The following SLC39A9 variants were observed in gnomAD, a reference collection of about 807,000 sequenced individuals.
SLC39A9 encodes the protein zinc transporter ZIP9.
SLC39A9 carries 14 observed loss-of-function variants against 28.4 expected under a neutral mutation model. The observed-to-expected ratio is 0.49, with a 90% confidence interval of 0.33 to 0.77. SLC39A9 has a LOEUF of 0.77. Among genes scored for constraint, SLC39A9 ranks in the 30% least tolerant of loss-of-function variants. SLC39A9 has a pLI of 0.02. For synonymous variants in SLC39A9, 119 were observed against 149.6 expected (o/e 0.80, Z 1.49); for missense variants, 283 against 381.1 (o/e 0.74, Z 2.14).
Position 69,399,024 on chromosome 14 carries a change from C to A in SLC39A9, c.-346C>A. 1 of 253,930 alleles carries A rather than the reference C, an allele frequency of 3.9e-6. No individual in the cohort carries two copies. The allele number at this position is 253,930 out of a possible 1,614,324, so 15.7% of individuals were successfully genotyped here. ...CGCCGCCGCCTAAGACATTGTGCCA[C>A]CCTCAATCCGACAATCGAAGAAATC... On this transcript the variant is annotated 5_prime_UTR_variant, in exon 1 of 7. Transcript: ENST00000336643.
chr14:69,413,393 G>A (rs570595400), intron 1 of SLC39A9, among the ~76,000 whole-genome samples: 1 of 151,860 alleles, frequency 6.6e-6, no homozygotes, highest in South Asian at 2.1e-4. Context: ...AATCGATACA[G>A]GATTACCTCC....
intron 2 of SLC39A9, among the ~76,000 whole-genome samples, chr14:69,431,511 C>T (rs2140283779): frequency 6.6e-6 from 1 of 151,054 alleles, no homozygotes; most frequent in Admixed American, 6.6e-5. Flanking sequence ...AGTCTTTCAC[C>T]ATTAAATATG....
intron 1 of SLC39A9, among the ~76,000 whole-genome samples, chr14:69,418,542 A>G (rs990731167): frequency 6.6e-6 from 1 of 152,182 alleles, no homozygotes; most frequent in Non-Finnish European, 1.5e-5. Flanking sequence ...ATAGGGTTTC[A>G]GAAGGAATGG....
At position 69,461,625 on chromosome 14, in the gene SLC39A9, G is replaced by C. The variant is rs1191155113; in HGVS notation, c.*3032G>C. Reference sequence around the variant, plus strand: ...AGTTGTCCTTTCTTTGCAGAAAGGAGAAAATGTGATTGTGTTTTTTTTTTA... The same window carrying C: ...AGTTGTCCTTTCTTTGCAGAAAGGACAAAATGTGATTGTGTTTTTTTTTTA... On this transcript the variant is annotated 3_prime_UTR_variant, in exon 7 of 7. Transcript: ENST00000336643. 3 of 1,529,766 alleles carry C rather than the reference G, an allele frequency of 2.0e-6. No homozygotes were observed. The African/African-American group carries it at 4.1e-5, about 21-fold the overall frequency. The allele number at this position is 1,529,766 out of a possible 1,614,324, so 94.8% of individuals were successfully genotyped here.
chr14:69,441,798 C>T, intron 2 of SLC39A9: 1 of 1,140,314 alleles, frequency 8.8e-7, no homozygotes, highest in East Asian at 5.1e-5. Context: ...AATATGATTG[C>T]TTTCTTGCAT....
chr14:69,461,528 T>C lies in SLC39A9; in HGVS notation c.*2935T>C. On this transcript the variant is annotated 3_prime_UTR_variant, in exon 7 of 7. Transcript: ENST00000336643. ...CCGCTTTCACCTCTTTCTTTCCCAA[T>C]TCAAAACAGCCAAGTGAGCCCTGTT... 3.5e-6 allele frequency: 5 copies of C among 1,447,864 alleles called. No homozygotes were observed. Among genetic ancestry groups the C allele is most frequent in the Non-Finnish European group, 4.5e-6 (5 of 1,104,896 alleles). The allele number at this position is 1,447,864 out of a possible 1,614,324, so 89.7% of individuals were successfully genotyped here.
chr14:69,451,979 C>T (rs1885633457), intron 3 of SLC39A9, among the ~76,000 whole-genome samples: 1 of 152,000 alleles, frequency 6.6e-6, no homozygotes, highest in Non-Finnish European at 1.5e-5. Flanking sequence ...ACCTCCCAGA[C>T]TGCTGAGATT....
At chr14:69,408,945 CAT>C (rs1323882530) in intron 1 of SLC39A9, among the ~76,000 whole-genome samples, 1 of 152,198 alleles carries the variant, frequency 6.6e-6, no homozygotes, top group East Asian at 1.9e-4. Context: ...ATTAATGACA[CAT>C]GTCAACTGAT....
Position 69,442,060 on chromosome 14 carries a change from C to A in SLC39A9, c.206-9C>A. 1 of 1,612,730 alleles carries A rather than the reference C, an allele frequency of 6.2e-7. No individual in the cohort carries two copies. Among genetic ancestry groups the A allele is most frequent in the Non-Finnish European group, 8.5e-7 (1 of 1,179,356 alleles). ...ACATATTTTCTCTTTATGGTTTATT[C>A]TGCTCTAGGAAAACACCACCAAGCA... On this transcript the variant is annotated splice_polypyrimidine_tract_variant and intron_variant, in intron 2 of 6. Coordinates refer to ENST00000336643, the MANE Select transcript of SLC39A9 (RefSeq NM_018375.5).
At chr14:69,448,214 C>CAAAAAAAAAAAAAAAAAAAAACAAA (rs34195562) in intron 3 of SLC39A9, among the ~76,000 whole-genome samples, 1 of 87,230 alleles carries the variant, frequency 1.1e-5, no homozygotes, top group Non-Finnish European at 2.1e-5. Context: ...GACTCTGTCT[C>CAAAAAAAAAAAAAAAAAAAAACAAA]AAAAAAAAAA....
In SLC39A9 at chr14:69,459,214, G is replaced by T. The variant is rs1210343695; in HGVS notation, c.*621G>T. 3.0e-6 allele frequency: 3 copies of T among 985,404 alleles called. No homozygotes were observed. Among genetic ancestry groups the T allele is most frequent in the African/African-American group, 1.7e-5 (1 of 57,248 alleles). 61.0% of individuals were successfully genotyped at this position (985,404 alleles called of 1,614,324 possible). A position where few individuals can be genotyped will look rare whatever the true frequency, so the allele number is the denominator to read the frequency against. ...GATATCCATTGAAAAGGGATGTCTAGAGGGATTTAAACAGCTCCTTTGGCA... is the reference window on the plus strand; with the variant it reads ...GATATCCATTGAAAAGGGATGTCTATAGGGATTTAAACAGCTCCTTTGGCA... On this transcript the variant is annotated 3_prime_UTR_variant, in exon 7 of 7. Coordinates refer to ENST00000336643, the MANE Select transcript of SLC39A9 (RefSeq NM_018375.5).
Position 69,461,902 on chromosome 14 carries a change from T to G in SLC39A9, c.*3309T>G. On this transcript the variant is annotated 3_prime_UTR_variant, in exon 7 of 7. Coordinates refer to ENST00000336643, the MANE Select transcript of SLC39A9 (RefSeq NM_018375.5). ...GCTGCAGTGTTAAGTGAAAATCCTC[T>G]GTAGTTGTTCTGCAGAGGAACCTTC... 1 of 674,444 alleles carries G rather than the reference T, an allele frequency of 1.5e-6. No individual in the cohort carries two copies. The highest frequency in any genetic ancestry group is 2.4e-6 in the Non-Finnish European group (1 of 424,758). The allele number at this position is 674,444 out of a possible 1,614,324, so 41.8% of individuals were successfully genotyped here. A position where few individuals can be genotyped will look rare whatever the true frequency, so the allele number is the denominator to read the frequency against.
rs140105147 is a variant in SLC39A9 at position 69,440,334 on chromosome 14, A to G, written c.206-1735A>G. Among the ~76,000 whole-genome samples the G allele has an allele frequency of 8.6e-3, 1,304 of 152,178 alleles. 26 individuals are homozygous for G. The highest frequency in any genetic ancestry group is 0.03 in the African/African-American group (1,263 of 41,528). On this transcript the variant is annotated intron_variant, in intron 2 of 6. Coordinates refer to ENST00000336643, the MANE Select transcript of SLC39A9 (RefSeq NM_018375.5). ...CACGGTGGCTCAAGCCTGTAACCCC[A>G]GCACTTTGGGAGGTCAAGGTGGGCG...
intron 2 of SLC39A9, among the ~76,000 whole-genome samples, chr14:69,432,640 G>C (rs1884553826): frequency 6.6e-6 from 1 of 152,122 alleles, no homozygotes; most frequent in African/African-American, 2.4e-5. Context: ...GATGTCCAGA[G>C]TGGTTTCCTA....
intron 2 of SLC39A9, among the ~76,000 whole-genome samples, chr14:69,425,891 C>T (rs553873924): frequency 1.8e-4 from 27 of 152,112 alleles, no homozygotes; most frequent in South Asian, 4.1e-4. Flanking sequence ...TTGCCAATTC[C>T]GGGACTCAAG....
intron 5 of SLC39A9, among the ~76,000 whole-genome samples, chr14:69,455,190 GT>G (rs1401955236): frequency 6.6e-6 from 1 of 151,900 alleles, no homozygotes; most frequent in Non-Finnish European, 1.5e-5. Flanking sequence ...TTTCTTGACT[GT>G]TTCTCTTTTT....
rs909793081 is a variant in SLC39A9 at position 69,453,381 on chromosome 14, G to A, written c.472+72G>A. 17 of 1,425,960 alleles carry A rather than the reference G, an allele frequency of 1.2e-5. No homozygotes were observed. The African/African-American group carries it at 2.0e-4, about 17-fold the overall frequency. The allele number at this position is 1,425,960 out of a possible 1,614,324, so 88.3% of individuals were successfully genotyped here. On this transcript the variant is annotated intron_variant, in intron 4 of 6. Coordinates refer to ENST00000336643, the MANE Select transcript of SLC39A9 (RefSeq NM_018375.5). ...GGAGACCTTAGTGTTTATATTTCAG[G>A]GACCGTCCTCATTGAATGCTCTTGG...
At chr14:69,404,998 A>G (rs763538505) in intron 1 of SLC39A9, among the ~76,000 whole-genome samples, 4 of 152,196 alleles carry the variant, frequency 2.6e-5, no homozygotes, top group Non-Finnish European at 5.9e-5. Flanking sequence ...GGAGGCAAAC[A>G]CATCCTTCTT....
upstream of SLC39A9, chr14:69,398,661 G>A (rs749188084): frequency 3.9e-6 from 1 of 258,374 alleles, no homozygotes; most frequent in South Asian, 3.8e-5. Flanking sequence ...TAAAGGAGGG[G>A]GTGGTTAGAC....
Sources: gnomAD v4.1 joint callset for allele counts (sites outside exome capture counted in the v4.1 genomes callset) on GRCh38, gnomAD v4.1.1 for gene constraint, MANE v1.5 for transcripts, NCBI Gene and HGNC (gene_info 2026-07-23, HGNC 2026-07-21) for gene names.